Variants in LILRB2 observed in about 807,000 individuals in gnomAD.
The protein encoded by LILRB2 is leukocyte immunoglobulin-like receptor subfamily B member 2.
LILRB2 carries 47 observed loss-of-function variants against 72.7 expected under a neutral mutation model. The ratio of observed to expected loss-of-function variants is 0.65; its 90% CI spans 0.51 to 0.82. The LOEUF (loss-of-function observed/expected upper bound fraction) is 0.82, where lower values mean the gene tolerates loss of function less well. Among genes scored for constraint, LILRB2 ranks in the 40% least tolerant of loss-of-function variants. LILRB2 has a pLI of 0.00. For missense variants in LILRB2, 767 were observed against 764.8 expected, an observed-to-expected ratio of 1.00 and a Z score of -0.03; for synonymous variants, 279 against 313.7, an observed-to-expected ratio of 0.89 and a Z score of 1.17.
rs576231032 is a variant in LILRB2 at position 54,279,362 on chromosome 19, A to G, written c.641T>C (p.Leu214Pro). Residue 214 changes from leucine to proline, a missense_variant, in exon 5 of 14, where the codon CTG becomes CCG. Coordinates refer to ENST00000314446, the MANE Select transcript of LILRB2 (RefSeq NM_001080978.4). ...PYVWSSPSDL[L>P]ELLVPGVSKK... ...TTTCTCACCTGGGACCAGGAGCTCC[A>G]GGAGATCACTGGGTGAAGACCACAC... is the stretch of plus-strand genomic sequence containing the variant. 5.6e-6 allele frequency: 9 copies of G among 1,612,690 alleles called. No homozygotes were observed. Among genetic ancestry groups the G allele is most frequent in the South Asian group, 5.5e-5 (5 of 91,044 alleles).
chr19:54,276,877 T>A lies in LILRB2; in HGVS notation c.1410A>T (p.Leu470=). 6.2e-7 allele frequency: 1 copy of A among 1,613,766 alleles called. No individual in the cohort carries two copies. The highest frequency in any genetic ancestry group is 1.1e-5 in the South Asian group (1 of 91,046). The part of the protein sequence containing the change: ...VVIGILVAVV[L]LLLLLLLLFL... The stretch of plus-strand genomic sequence containing the variant: ...AGAGGAGGAGGAGGAGGAGGAGCAG[T>A]AGGACGACGGCCACCAAGATGCCGA... The change falls in exon 10 of 14, where the codon CTA becomes CTT. Residue 470 remains leucine (L), a synonymous_variant. Coordinates refer to ENST00000314446, the MANE Select transcript of LILRB2 (RefSeq NM_001080978.4).
intron 9 of LILRB2, 165 bp from the exon 10 acceptor site, chr19:54,277,094 A>G (rs2080268421): frequency 6.6e-7 from 1 of 1,506,072 alleles, no homozygotes; most frequent in African/African-American, 1.4e-5. Flanking sequence ...ACTGACGCTC[A>G]GAGAGGGGAA....
chr19:54,279,569 T>A lies in LILRB2; in HGVS notation c.434A>T (p.Glu145Val). The change falls in exon 5 of 14, where the codon GAG (glutamate) becomes GTG (valine). Residue 145 changes from glutamate to valine, a missense_variant. Around this residue, in one of 3 missense-constraint regions of LILRB2, gnomAD observed 599 missense variants for 568.2 expected, o/e 1.05. Coordinates refer to ENST00000314446, the MANE Select transcript of LILRB2 (RefSeq NM_001080978.4). Reference sequence around the variant, plus strand: ...GAAGCCGCCAAATGCCACCTGTGACTCACACTGGAGGGTCACCCTTCCTCC... The same window carrying A: ...GAAGCCGCCAAATGCCACCTGTGACACACACTGGAGGGTCACCCTTCCTCC... ...TSGGRVTLQC[E>V]SQVAFGGFIL... The A allele has an allele frequency of 6.2e-7, 1 of 1,613,204 alleles. No homozygotes were observed. Among genetic ancestry groups the A allele is most frequent in the Non-Finnish European group, 8.5e-7 (1 of 1,179,740 alleles).
At position 54,275,636 on chromosome 19, in the gene LILRB2, T is replaced by A. The variant is rs116872979; in HGVS notation, c.1647+315A>T. On this transcript the variant is annotated intron_variant, in intron 13 of 13. Coordinates refer to ENST00000314446, the MANE Select transcript of LILRB2 (RefSeq NM_001080978.4). ...TGAGCTCCCTGGGAACACTCACTGG[T>A]TGAATGAATGAAGGGGAGCCCAGGG... 4,277 of 539,606 alleles carry A rather than the reference T, an allele frequency of 7.9e-3. 64 individuals are homozygous for A. The highest frequency in any genetic ancestry group is 0.035 in the East Asian group (776 of 21,890). The allele number at this position is 539,606 out of a possible 1,614,324, so 33.4% of individuals were successfully genotyped here. A position where few individuals can be genotyped will look rare whatever the true frequency, so the allele number is the denominator to read the frequency against.
rs986452450 is a variant in LILRB2 at position 54,275,523 on chromosome 19, T to C, written c.1647+428A>G. The stretch of plus-strand genomic sequence containing the variant: ...GGACATGGCGCATTTATTTGCATTT[T>C]GTCTCCCACCATGAGGTGAGCTCAG... On this transcript the variant is annotated intron_variant, in intron 13 of 13. Transcript: ENST00000314446. The C allele has an allele frequency of 1.2e-4, 64 of 512,412 alleles. 1 individual carries two copies. The highest frequency in any genetic ancestry group is 2.4e-4 in the Non-Finnish European group (60 of 255,140). The allele number at this position is 512,412 out of a possible 1,614,324, so 31.7% of individuals were successfully genotyped here.
intron 13 of LILRB2, 61 bp from the exon 14 acceptor site, chr19:54,274,890 T>C: frequency 6.2e-7 from 1 of 1,610,782 alleles, no homozygotes. Context: ...CCTGGGGGCC[T>C]GGAGAGGAAA....
rs754413567 is a variant in LILRB2, at chr19:54,277,915, G to A, written c.1283C>T (p.Pro428Leu). ...AGGTGTGGAGATGGGACCGGTGGGT[G>A]GGGGGCTGGAACCCATGGAGGGTCC... ...VSGPSMGSSPPPTGPISTPGP... is the reference protein window; with the variant it reads ...VSGPSMGSSPLPTGPISTPGP... Residue 428 changes from proline (P) to leucine (L), a missense_variant, in exon 8 of 14, where the codon CCA becomes CTA. Physicochemically the swap from Pro to Leu is moderately conservative, Grantham distance 98. Coordinates refer to ENST00000314446, the MANE Select transcript of LILRB2 (RefSeq NM_001080978.4). 4 of 1,541,478 alleles carry A rather than the reference G, an allele frequency of 2.6e-6. No homozygotes were observed. In the South Asian group the frequency reaches 4.8e-5, roughly 19 times the overall value.
rs1387032357 is a variant in LILRB2, at chr19:54,274,802, C to T, written c.1675G>A (p.Val559Met). Reference sequence around the variant, plus strand: ...AAGCTGTGCAGCTGGGCGTAGGTCACATCCTGGGGGGCTTCAGATGCAGCA... The same window carrying T: ...AAGCTGTGCAGCTGGGCGTAGGTCATATCCTGGGGGGCTTCAGATGCAGCA... The part of the protein sequence containing the change: ...RAAASEAPQD[V>M]TYAQLHSLTL... The change falls in exon 14 of 14, where the codon GTG (valine) becomes ATG (methionine). Residue 559 changes from valine to methionine, a missense_variant. Val to Met is a conservative substitution (Grantham distance 21, BLOSUM62 1). Around this residue, in one of 3 missense-constraint regions of LILRB2, gnomAD observed 162 missense variants for 176.7 expected, o/e 0.92. Coordinates refer to ENST00000314446, the MANE Select transcript of LILRB2 (RefSeq NM_001080978.4). 1.2e-6 allele frequency: 2 copies of T among 1,611,308 alleles called. No homozygotes were observed. The highest frequency in any genetic ancestry group is 1.7e-6 in the Non-Finnish European group (2 of 1,179,758).
In LILRB2 at chr19:54,278,904, C is replaced by T. The variant is rs779866193; in HGVS notation, c.863G>A (p.Arg288His). The T allele has an allele frequency of 5.0e-6, 8 of 1,613,594 alleles. No homozygotes were observed. Among genetic ancestry groups the T allele is most frequent in the East Asian group, 2.2e-5 (1 of 44,822 alleles). ...GCATCTGTACTGGCCCCCGTAGGAG[C>T]GGCTCACAGGGCCCAGGGTGAAGTT... Reference protein sequence around the residue: ...QANFTLGPVSRSYGGQYRCYG... With the variant: ...QANFTLGPVSHSYGGQYRCYG... The change falls in exon 6 of 14, where the codon CGC (arginine) becomes CAC (histidine). Residue 288 changes from arginine to histidine, a missense_variant. Physicochemically the swap from Arg to His is conservative, Grantham distance 29. Around this residue, in one of 3 missense-constraint regions of LILRB2, gnomAD observed 599 missense variants for 568.2 expected, o/e 1.05. Coordinates refer to ENST00000314446, the MANE Select transcript of LILRB2 (RefSeq NM_001080978.4).
At position 54,278,418 on chromosome 19, in the gene LILRB2, C is replaced by T. The variant is rs751598076; in HGVS notation, c.1100G>A (p.Arg367His). 88 of 1,614,052 alleles carry T rather than the reference C, an allele frequency of 5.5e-5. No homozygotes were observed. Among genetic ancestry groups the T allele is most frequent in the Middle Eastern group, 3.3e-4 (2 of 6,084 alleles). ...TKAGAADAPL[R>H]LRSIHEYPKY... is the part of the protein sequence containing the mutation. The stretch of plus-strand genomic sequence containing the variant: ...AGGATATTCGTGTATTGATCTTAGA[C>T]GGAGTGGGGCATCAGCTGCTCCCGC... The change falls in exon 7 of 14, where the codon CGT becomes CAT. Residue 367 changes from arginine to histidine, a missense_variant. By Grantham distance (29) the Arg-to-His change is conservative. This residue lies in a region of LILRB2 where 599 missense variants were observed against 568.2 expected (regional missense o/e 1.05). Transcript: ENST00000314446.
At chr19:54,275,106 C>G (rs2080162145) in intron 13 of LILRB2, 2 of 1,582,218 alleles carry the variant, frequency 1.3e-6, no homozygotes, top group Non-Finnish European at 1.7e-6. Context: ...TTGAGTCCCC[C>G]TGACCTCCTG....
At chr19:54,274,976 G>A (rs192506020) in intron 13 of LILRB2, 147 bp from the exon 14 acceptor site, 74,029 of 1,608,436 alleles carry the variant, frequency 0.046, 1,878 homozygotes, top group Non-Finnish European at 0.055. Flanking sequence ...CCGGACAGTG[G>A]GGAGGGAGGA....
At chr19:54,275,740 G>A (rs1461751881) in intron 13 of LILRB2, 3 of 716,928 alleles carry the variant, frequency 4.2e-6, no homozygotes, top group Admixed American at 4.0e-5. Flanking sequence ...AACAGAGGAT[G>A]AGGAGCAGGA....
Position 54,274,451 on chromosome 19 carries a change from C to T in LILRB2, c.*232G>A, listed in dbSNP as rs565306707. The T allele has an allele frequency of 6.4e-5, 46 of 713,400 alleles. No individual in the cohort carries two copies. Among genetic ancestry groups the T allele is most frequent in the Admixed American group, 3.7e-4 (12 of 32,042 alleles). The allele number at this position is 713,400 out of a possible 1,614,324, so 44.2% of individuals were successfully genotyped here. On this transcript the variant is annotated 3_prime_UTR_variant, in exon 14 of 14. Transcript: ENST00000314446. ...TTCTTACTTCTGATTTTAGTTTTCTCGGTTAACTCATTGATTATTGAGAAG... is the reference window on the plus strand; with the variant it reads ...TTCTTACTTCTGATTTTAGTTTTCTTGGTTAACTCATTGATTATTGAGAAG...
At position 54,279,892 on chromosome 19, in the gene LILRB2, A is replaced by T. The variant is rs145076880; in HGVS notation, c.254T>A (p.Ile85Asn). ...TGTGTGTTCCCAGGTGATGGATGGG[A>T]TGTGGAACTGGCCGTTCTTCACAAG... ...PELVKNGQFH[I>N]PSITWEHTGR... The change falls in exon 4 of 14, where the codon ATC (isoleucine) becomes AAC (asparagine). Residue 85 changes from isoleucine to asparagine, a missense_variant. Coordinates refer to ENST00000314446, the MANE Select transcript of LILRB2 (RefSeq NM_001080978.4). 6 of 1,614,044 alleles carry T rather than the reference A, an allele frequency of 3.7e-6. No individual in the cohort carries two copies. Among genetic ancestry groups the T allele is most frequent in the Admixed American group, 1.7e-5 (1 of 60,014 alleles).
At chr19:54,277,058 C>T in intron 9 of LILRB2, 129 bp from the exon 10 acceptor site, 1 of 1,513,894 alleles carries the variant, frequency 6.6e-7, no homozygotes, top group Non-Finnish European at 9.0e-7. Flanking sequence ...CACAAACATC[C>T]ACCCCACCCA....
rs188653910 is a variant in LILRB2 at position 54,274,511 on chromosome 19, G to C, written c.*172C>G. On this transcript the variant is annotated 3_prime_UTR_variant, in exon 14 of 14. Transcript: ENST00000314446. ...TTAATTAAAAAATGTAGGGATATTA[G>C]TTATTTCGACTGCAGAATCAAGTGA... The C allele has an allele frequency of 8.5e-5, 104 of 1,229,254 alleles. 1 individual carries two copies. The East Asian group carries it at 2.6e-3, about 31-fold the overall frequency. 76.1% of individuals were successfully genotyped at this position (1,229,254 alleles called of 1,614,324 possible).
intron 9 of LILRB2, 175 bp from the exon 10 acceptor site, chr19:54,277,104 A>G (rs1601103126): frequency 2.3e-5 from 35 of 1,497,414 alleles, no homozygotes; most frequent in South Asian, 1.7e-4. Flanking sequence ...AGAGAGGGGA[A>G]TCGCCTGCCC....
At position 54,275,945 on chromosome 19, in the gene LILRB2, T is replaced by C. The variant is rs1377421451; in HGVS notation, c.1647+6A>G. 1.9e-6 allele frequency: 3 copies of C among 1,613,706 alleles called. No homozygotes were observed. The highest frequency in any genetic ancestry group is 2.2e-5 in the East Asian group (1 of 44,854). On this transcript the variant is annotated splice_donor_region_variant and intron_variant, in intron 13 of 13. Coordinates refer to ENST00000314446, the MANE Select transcript of LILRB2 (RefSeq NM_001080978.4). ...TTTGGTGCCTGGGACAGGGGCGGGG[T>C]CTCACCCGAGTGTCCATCTCCACCC...
Sources: allele counts gnomAD v4.1 joint callset, GRCh38; gene constraint gnomAD v4.1.1; regional missense constraint gnomAD v4.1.1; transcripts MANE v1.5; gene names NCBI Gene and HGNC (gene_info 2026-07-23, HGNC 2026-07-21).